The following SIK3 variants were observed in gnomAD, a reference collection of about 807,000 sequenced individuals.
SIK3 encodes serine/threonine-protein kinase SIK3.
A neutral mutation model predicts 144.2 loss-of-function variants in SIK3; 28 were observed. The ratio of observed to expected loss-of-function variants is 0.19; its 90% CI spans 0.14 to 0.27. The LOEUF is 0.27. SIK3 is among the 10% of genes least tolerant of loss of function. The pLI, the probability that SIK3 is intolerant of heterozygous loss-of-function variation, is 1.00. For missense variants in SIK3, 1,319 were observed against 1,776.0 expected (o/e 0.74, Z 4.62); for synonymous variants, 686 against 676.3 (o/e 1.01, Z -0.22).
intron 1 of SIK3, among the ~76,000 whole-genome samples, chr11:116,999,618 G>A (rs566215195): frequency 6.6e-6 from 1 of 151,324 alleles, no homozygotes; most frequent in Non-Finnish European, 1.5e-5. Context: ...TTTTTCAGTA[G>A]AGATGGGGTT....
rs528405922 is a variant in SIK3, at chr11:116,855,083, CAAAAAAAAA to C, written c.3655+2718_3655+2726del. On this transcript the variant is annotated intron_variant, in intron 21 of 24. Coordinates refer to ENST00000445177, the MANE Select transcript of SIK3 (RefSeq NM_001366686.3). ...CATGGGTGACAGTGTGAGACTCTGCCAAAAAAAAAAAAAAAAAAAAAAAAAACTTGAGTT... is the reference window on the plus strand; with the variant it reads ...CATGGGTGACAGTGTGAGACTCTGCCAAAAAAAAAAAAAAAAACTTGAGTT... Among the ~76,000 whole-genome samples, 78 of 82,088 alleles carry C rather than the reference CAAAAAAAAA, an allele frequency of 9.5e-4. 2 individuals carry two copies. Among genetic ancestry groups the C allele is most frequent in the African/African-American group, 4.4e-3 (61 of 13,898 alleles). The allele number at this position is 82,088 out of a possible 152,430, so 53.9% of individuals were successfully genotyped here.
At chr11:117,094,588 A>AC (rs1955387635) in intron 1 of SIK3, among the ~76,000 whole-genome samples, 1 of 152,202 alleles carries the variant, frequency 6.6e-6, no homozygotes, top group Non-Finnish European at 1.5e-5. Flanking sequence ...AGCCTGGGTG[A>AC]CAGAGTAAGA....
chr11:116,985,960 T>TA (rs2135535610), intron 1 of SIK3, among the ~76,000 whole-genome samples: 1 of 152,324 alleles, frequency 6.6e-6, no homozygotes, highest in South Asian at 2.1e-4. Flanking sequence ...CAGATACCTC[T>TA]ATTAAGGTCA....
intron 16 of SIK3, 40 bp downstream of exon 16, chr11:116,863,628 C>A (rs1251888323): frequency 1.4e-5 from 22 of 1,612,910 alleles, no homozygotes; most frequent in Non-Finnish European, 1.9e-5. Flanking sequence ...GCCTCTGTCA[C>A]CCATGCTCCT....
chr11:116,947,354 G>A (rs1591398773), intron 3 of SIK3, among the ~76,000 whole-genome samples: 1 of 145,920 alleles, frequency 6.9e-6, no homozygotes, highest in East Asian at 2.0e-4. Context: ...ATACTAAGAA[G>A]GAACAGTCCG....
chr11:116,965,734 A>AATATATATATATATATATATAT (rs58587995), intron 1 of SIK3, among the ~76,000 whole-genome samples: 2 of 118,374 alleles, frequency 1.7e-5, no homozygotes, highest in Non-Finnish European at 3.2e-5. Flanking sequence ...TCTCTGCTAA[A>AATATATATATATATATATATAT]ATATATATAT....
intron 1 of SIK3, among the ~76,000 whole-genome samples, chr11:117,034,328 T>C (rs1354873578): frequency 6.6e-6 from 1 of 152,190 alleles, no homozygotes; most frequent in Non-Finnish European, 1.5e-5. Flanking sequence ...TCTATAAGAC[T>C]TGAATGATAA....
chr11:117,035,059 A>C (rs1227774820), intron 1 of SIK3, among the ~76,000 whole-genome samples: 4 of 152,218 alleles, frequency 2.6e-5, no homozygotes, highest in African/African-American at 9.6e-5. Context: ...TATTGTATGA[A>C]TATACCACCA....
At position 117,013,365 on chromosome 11, in the gene SIK3, G is replaced by A. The variant is rs189823926; in HGVS notation, c.274-56301C>T. ...AAATCACCAGGGCATGGTGCCACAC[G>A]CCTATAATCCTAGATAGGCTGGGAC... On this transcript the variant is annotated intron_variant, in intron 1 of 24. Transcript: ENST00000445177. Among the ~76,000 whole-genome samples, 95 of 152,102 alleles carry A rather than the reference G, an allele frequency of 6.2e-4. No homozygotes were observed. In the East Asian group the frequency reaches 0.015, roughly 24 times the overall value.
intron 1 of SIK3, among the ~76,000 whole-genome samples, chr11:116,979,695 A>C (rs1591469958): frequency 6.6e-6 from 1 of 152,118 alleles, no homozygotes; most frequent in East Asian, 1.9e-4. Context: ...AAAAATACAA[A>C]AACTAGCCAG....
intron 15 of SIK3, among the ~76,000 whole-genome samples, chr11:116,866,770 G>C (rs1264692398): frequency 2.0e-5 from 3 of 152,154 alleles, no homozygotes; most frequent in South Asian, 2.1e-4. Context: ...TACGAACACT[G>C]TAAGTCCTGA....
intron 6 of SIK3, among the ~76,000 whole-genome samples, chr11:116,880,983 G>GAT (rs1214619079): frequency 6.6e-6 from 1 of 152,074 alleles, no homozygotes; most frequent in Non-Finnish European, 1.5e-5. Flanking sequence ...AATTAGCTGG[G>GAT]TGTGGTGGTA....
At chr11:116,924,478 T>C (rs1170368054) in intron 4 of SIK3, among the ~76,000 whole-genome samples, 1 of 152,196 alleles carries the variant, frequency 6.6e-6, no homozygotes, top group Non-Finnish European at 1.5e-5. Context: ...TGAAACTTAC[T>C]ATTTGTCATT....
intron 6 of SIK3, among the ~76,000 whole-genome samples, chr11:116,882,247 G>T (rs1179798822): frequency 6.6e-6 from 1 of 152,172 alleles, no homozygotes; most frequent in Admixed American, 6.5e-5. Flanking sequence ...CACTAAATGG[G>T]GAGCGTTGTC....
chr11:117,006,152 C>T (rs1951037843), intron 1 of SIK3, among the ~76,000 whole-genome samples: 1 of 152,196 alleles, frequency 6.6e-6, no homozygotes, highest in African/African-American at 2.4e-5. Context: ...TTCCCCTGGT[C>T]TTTGGCACAG....
At chr11:116,894,034 A>C (rs1945269765) in intron 6 of SIK3, 1 of 167,322 alleles carries the variant, frequency 6.0e-6, no homozygotes, top group African/African-American at 2.4e-5. Context: ...ACATTTCTAA[A>C]TGCAACATTC....
intron 1 of SIK3, among the ~76,000 whole-genome samples, chr11:117,008,600 A>C (rs1951139784): frequency 6.6e-6 from 1 of 152,236 alleles, no homozygotes; most frequent in Non-Finnish European, 1.5e-5. Flanking sequence ...TCTGCAGAAA[A>C]TGAACTCTGG....
intron 21 of SIK3, among the ~76,000 whole-genome samples, chr11:116,853,781 G>C (rs1942653827): frequency 6.7e-6 from 1 of 148,658 alleles, no homozygotes; most frequent in African/African-American, 2.5e-5. Flanking sequence ...GGTGTAGATT[G>C]GTTATGCTGC....
chr11:116,986,462 T>C (rs1278200509), intron 1 of SIK3, among the ~76,000 whole-genome samples: 2 of 152,210 alleles, frequency 1.3e-5, no homozygotes, highest in African/African-American at 4.8e-5. Context: ...TTCCTGGTAA[T>C]TGCAAACATC....
Sources: allele counts gnomAD v4.1 joint callset (sites outside exome capture counted in the v4.1 genomes callset), GRCh38; gene constraint gnomAD v4.1.1; transcripts MANE v1.5; gene names NCBI Gene and HGNC (gene_info 2026-07-23, HGNC 2026-07-21).